Variants in TMEM132C observed in about 807,000 individuals in gnomAD.
TMEM132C encodes transmembrane protein 132C, also known as protein phosphatase 1, regulatory subunit 152.
In TMEM132C, 29 loss-of-function variants were observed where a neutral mutation model predicts 61.4. The observed-to-expected ratio is 0.47, with a 90% CI of 0.35 to 0.64. The LOEUF (loss-of-function observed/expected upper bound fraction) is 0.64, where lower values mean the gene tolerates loss of function less well. Among genes scored for constraint, TMEM132C ranks in the 30% least tolerant of loss-of-function variants. The pLI is 0.00. For missense variants in TMEM132C, 1,408 were observed against 1,476.9 expected, an observed-to-expected ratio of 0.95 and a Z score of 0.76; for synonymous variants, 656 against 633.1, an observed-to-expected ratio of 1.04 and a Z score of -0.54.
At chr12:128,365,835 G>T (rs1336515286) in intron 1 of TMEM132C, among the ~76,000 whole-genome samples, 2 of 152,176 alleles carry the variant, frequency 1.3e-5, no homozygotes, top group African/African-American at 4.8e-5. Flanking sequence ...TGTCCAGATG[G>T]GGATGGAGGT....
At chr12:128,492,886 T>C (rs1419092566) in intron 2 of TMEM132C, among the ~76,000 whole-genome samples, 1 of 152,260 alleles carries the variant, frequency 6.6e-6, no homozygotes, top group Non-Finnish European at 1.5e-5. Flanking sequence ...TGGCTTTTGT[T>C]GCCATTGCTT....
At chr12:128,274,866 G>A (rs1870631815) in intron 1 of TMEM132C, among the ~76,000 whole-genome samples, 1 of 151,908 alleles carries the variant, frequency 6.6e-6, no homozygotes, top group Non-Finnish European at 1.5e-5. Context: ...CAGTTTTACT[G>A]TTTAAAAGCT....
At chr12:128,339,451 C>T (rs1048201379) in intron 1 of TMEM132C, among the ~76,000 whole-genome samples, 10 of 151,998 alleles carry the variant, frequency 6.6e-5, no homozygotes, top group African/African-American at 2.4e-4. Context: ...TTCAGCACAG[C>T]GTGTTCCTAG....
intron 2 of TMEM132C, among the ~76,000 whole-genome samples, chr12:128,453,551 A>G (rs1870248544): frequency 6.6e-6 from 1 of 152,178 alleles, no homozygotes; most frequent in African/African-American, 2.4e-5. Context: ...CCCAGAATCA[A>G]GGAAAGGGAT....
intron 4 of TMEM132C, among the ~76,000 whole-genome samples, chr12:128,636,144 G>A: frequency 6.6e-6 from 1 of 151,934 alleles, no homozygotes; most frequent in East Asian, 1.9e-4. Flanking sequence ...TTGACCTCCT[G>A]GGCTCAAGCA....
Position 128,284,131 on chromosome 12 carries a change from T to C in TMEM132C, c.85+16644T>C, listed in dbSNP as rs1870983155. Among the ~76,000 whole-genome samples the C allele has an allele frequency of 1.3e-5, 2 of 152,194 alleles. 1 individual carries two copies. The highest frequency in any genetic ancestry group is 4.1e-4 in the South Asian group (2 of 4,828). ...GACCAGAGAGGACCATGGGCCCATGTACCACCATGTACTGACCAGCCATTC... is the reference window on the plus strand; with the variant it reads ...GACCAGAGAGGACCATGGGCCCATGCACCACCATGTACTGACCAGCCATTC... On this transcript the variant is annotated intron_variant, in intron 1 of 8. Coordinates refer to ENST00000435159, the MANE Select transcript of TMEM132C (RefSeq NM_001136103.3).
At chr12:128,518,144 G>A (rs1872780156) in intron 2 of TMEM132C, among the ~76,000 whole-genome samples, 3 of 152,162 alleles carry the variant, frequency 2.0e-5, no homozygotes, top group Admixed American at 6.5e-5. Flanking sequence ...TCTAGGGCTC[G>A]GCCCTGCGCT....
At chr12:128,283,484 C>G (rs772785741) in intron 1 of TMEM132C, among the ~76,000 whole-genome samples, 1 of 152,134 alleles carries the variant, frequency 6.6e-6, no homozygotes, top group Non-Finnish European at 1.5e-5. Flanking sequence ...CTCTCTTCCT[C>G]TCTCATTACC....
rs1017889104 is a variant in TMEM132C at position 128,480,589 on chromosome 12, G to A, written c.975-63368G>A. 2.6e-5 allele frequency among the ~76,000 whole-genome samples: 4 copies of A among 152,204 alleles called. No individual in the cohort carries two copies. The East Asian group carries it at 7.7e-4, about 29-fold the overall frequency. ...GTCCCCGTTGCTGCAGCACCCCGGG[G>A]CCTTCTTGTGGCTGAAGGGAAAGAA... is the stretch of plus-strand genomic sequence containing the variant. On this transcript the variant is annotated intron_variant, in intron 2 of 8. Transcript: ENST00000435159.
At chr12:128,589,264 C>A (rs547391706) in intron 3 of TMEM132C, among the ~76,000 whole-genome samples, 64 of 152,288 alleles carry the variant, frequency 4.2e-4, no homozygotes, top group Non-Finnish European at 7.4e-4. Flanking sequence ...CCAGCCACCC[C>A]ACAGCAAGCT....
At chr12:128,514,819 A>C (rs546927565) in intron 2 of TMEM132C, among the ~76,000 whole-genome samples, 1 of 152,338 alleles carries the variant, frequency 6.6e-6, no homozygotes, top group South Asian at 2.1e-4. Context: ...CTGGAGGTGT[A>C]GTAGTGAACA....
intron 3 of TMEM132C, among the ~76,000 whole-genome samples, chr12:128,590,675 C>A (rs974363135): frequency 6.6e-6 from 1 of 152,128 alleles, no homozygotes; most frequent in Non-Finnish European, 1.5e-5. Flanking sequence ...CATAAGGAGA[C>A]GCAGGAGGTT....
chr12:128,680,953 A>G (rs1178217313), intron 5 of TMEM132C, among the ~76,000 whole-genome samples: 1 of 152,214 alleles, frequency 6.6e-6, no homozygotes, highest in African/African-American at 2.4e-5. Flanking sequence ...GTTTCTGGTC[A>G]GGTTCATGAA....
chr12:128,467,519 G>A (rs1401138054), intron 2 of TMEM132C, among the ~76,000 whole-genome samples: 7 of 152,132 alleles, frequency 4.6e-5, no homozygotes, highest in Non-Finnish European at 7.4e-5. Context: ...GAGCTGTTTC[G>A]TTGTGTTTTC....
intron 1 of TMEM132C, among the ~76,000 whole-genome samples, chr12:128,397,359 CT>C (rs1397262213): frequency 3.9e-5 from 6 of 152,248 alleles, no homozygotes; most frequent in East Asian, 1.9e-4. Flanking sequence ...TTGTGAGTGC[CT>C]TTTTTTGTGG....
chr12:128,619,621 C>T (rs745353661), intron 4 of TMEM132C, among the ~76,000 whole-genome samples: 9 of 152,224 alleles, frequency 5.9e-5, no homozygotes, highest in Non-Finnish European at 1.0e-4. Context: ...AGCTCCACGA[C>T]CCTCCTGCCA....
intron 4 of TMEM132C, among the ~76,000 whole-genome samples, chr12:128,658,244 T>C (rs1030640147): frequency 2.0e-5 from 3 of 152,056 alleles, no homozygotes; most frequent in Non-Finnish European, 4.4e-5. Flanking sequence ...GCAGCTCCCA[T>C]GGAGGCCACA....
At chr12:128,338,973 G>T (rs992338933) in intron 1 of TMEM132C, among the ~76,000 whole-genome samples, 3 of 152,048 alleles carry the variant, frequency 2.0e-5, no homozygotes, top group Admixed American at 2.0e-4. Flanking sequence ...TCCTTAAGGA[G>T]GACTTAACTT....
intron 4 of TMEM132C, among the ~76,000 whole-genome samples, chr12:128,618,054 T>G (rs898402180): frequency 6.6e-6 from 1 of 152,242 alleles, no homozygotes; most frequent in African/African-American, 2.4e-5. Context: ...CAGTTCTGCC[T>G]GTTGGCTCAT....
Sources: allele counts gnomAD v4.1 joint callset (sites outside exome capture counted in the v4.1 genomes callset), GRCh38; gene constraint gnomAD v4.1.1; transcripts MANE v1.5; gene names NCBI Gene and HGNC (gene_info 2026-07-23, HGNC 2026-07-21).